The following MSH5 variants were observed in gnomAD, a reference collection of about 807,000 sequenced individuals.
The protein encoded by MSH5 is mutS protein homolog 5.
MSH5 carries 78 observed loss-of-function variants against 107.7 expected under a neutral mutation model. That is an observed-to-expected ratio of 0.72 (90% CI 0.60 to 0.87). MSH5 has a LOEUF of 0.87. Ranked by LOEUF, MSH5 falls within the 40% of genes least tolerant of loss-of-function variation. The pLI is 0.00. For missense variants in MSH5, 889 were observed against 1,046.6 expected (o/e 0.85, Z 2.08); for synonymous variants, 326 against 399.5 (o/e 0.82, Z 2.19).
rs1656075849 is a variant in MSH5 at position 31,758,069 on chromosome 6, C to G, written c.1015-96C>G. 2 of 1,483,980 alleles carry G rather than the reference C, an allele frequency of 1.3e-6. No homozygotes were observed. The highest frequency in any genetic ancestry group is 1.8e-5 in the Admixed American group (1 of 56,276). 91.9% of individuals were successfully genotyped at this position (1,483,980 alleles called of 1,614,324 possible). A position where few individuals can be genotyped will look rare whatever the true frequency, so the allele number is the denominator to read the frequency against. ...GATCTTCCCTCTTTGTTACTGTGAT[C>G]TTCCCTACTGGTCTTTGTTCTTCTG... On this transcript the variant is annotated intron_variant, in intron 12 of 24. Coordinates refer to ENST00000375750, the MANE Select transcript of MSH5 (RefSeq NM_172166.4). The surrounding 1 kb of genome is among the most constrained non-coding windows in gnomAD (Gnocchi z 5.1).
rs1331752063 is a variant in MSH5, at chr6:31,740,775, A to G, written c.147+162A>G. Among the ~76,000 whole-genome samples, 1 of 152,190 alleles carries G rather than the reference A, an allele frequency of 6.6e-6. No homozygotes were observed. The highest frequency in any genetic ancestry group is 1.5e-5 in the Non-Finnish European group (1 of 68,022). On this transcript the variant is annotated intron_variant, in intron 2 of 24. Coordinates refer to ENST00000375750, the MANE Select transcript of MSH5 (RefSeq NM_172166.4). This position sits in a 1 kb window ranked among gnomAD's most constrained non-coding sequence, Gnocchi z 4.4. ...CAGGAGTTGGAGACCAGCCTGGGCA[A>G]CATGGCGAAACCCCGTCTCTACTAA...
At chr6:31,742,224 T>G (rs1808979688) in intron 3 of MSH5, among the ~76,000 whole-genome samples, 1 of 152,220 alleles carries the variant, frequency 6.6e-6, no homozygotes, top group Non-Finnish European at 1.5e-5. Context: ...ATTTCATTAT[T>G]TAACAAATAT....
Position 31,759,720 on chromosome 6 carries a change from G to A in MSH5, c.1496-66G>A, listed in dbSNP as rs1810791444. On this transcript the variant is annotated intron_variant, in intron 17 of 24. Coordinates refer to ENST00000375750, the MANE Select transcript of MSH5 (RefSeq NM_172166.4). This position sits in a 1 kb window ranked among gnomAD's most constrained non-coding sequence, Gnocchi z 4.7. ...CAACCTGTTTCCAGATCCCCCTAGG[G>A]GCCTCTGCCTCTCCTTCACTTTCCC... 2.6e-6 allele frequency: 4 copies of A among 1,562,034 alleles called. No individual in the cohort carries two copies. The highest frequency in any genetic ancestry group is 3.5e-6 in the Non-Finnish European group (4 of 1,146,434).
chr6:31,743,077 G>T, intron 4 of MSH5, 31 bp from the exon 5 acceptor site: 1 of 1,612,762 alleles, frequency 6.2e-7, no homozygotes, highest in Non-Finnish European at 8.5e-7. Context: ...GAGATGTAAA[G>T]AATGATAGCC....
Position 31,759,255 on chromosome 6 carries a change from G to T in MSH5, c.1407+78G>T. 7.1e-7 allele frequency: 1 copy of T among 1,406,632 alleles called. No homozygotes were observed. The allele number at this position is 1,406,632 out of a possible 1,614,324, so 87.1% of individuals were successfully genotyped here. ...TGAGGAAGAGCGTTACTCTACAGCA[G>T]CACTGCCCAATATGGGATCTCTCCT... On this transcript the variant is annotated intron_variant, in intron 16 of 24. Coordinates refer to ENST00000375750, the MANE Select transcript of MSH5 (RefSeq NM_172166.4). The surrounding 1 kb of genome is among the most constrained non-coding windows in gnomAD (Gnocchi z 4.7).
chr6:31,758,586 A>T lies in MSH5; in HGVS notation c.1182A>T (p.Thr394=), dbSNP rs769709805. The T allele has an allele frequency of 6.2e-7, 1 of 1,613,898 alleles. No individual in the cohort carries two copies. Among genetic ancestry groups the T allele is most frequent in the Non-Finnish European group, 8.5e-7 (1 of 1,180,018 alleles). ...FEGSLAENRF[T]VLPNIDPEID... ...GCAGCCTTGCTGAAAATCGCTTCAC[A>T]GTCCTCCCCAACATAGATCCTGAAA... The change falls in exon 14 of 25, where the codon ACA becomes ACT. Residue 394 remains threonine (T), a synonymous_variant. Transcript: ENST00000375750. The surrounding 1 kb of genome is among the most constrained non-coding windows in gnomAD (Gnocchi z 5.1).
At chr6:31,755,295 G>A (rs1284113766) in intron 12 of MSH5, among the ~76,000 whole-genome samples, 1 of 151,956 alleles carries the variant, frequency 6.6e-6, no homozygotes, top group Non-Finnish European at 1.5e-5. Context: ...GGGACCACAG[G>A]TGATGGCCAT....
intron 8 of MSH5, 111 bp from the exon 9 acceptor site, chr6:31,745,126 A>T: frequency 5.2e-6 from 3 of 577,476 alleles, no homozygotes; most frequent in Non-Finnish European, 8.9e-6. Context: ...AAAAAAAAAA[A>T]GACGTGATCT....
intron 10 of MSH5, among the ~76,000 whole-genome samples, chr6:31,750,135 A>G (rs1018825573): frequency 4.6e-5 from 7 of 152,248 alleles, no homozygotes; most frequent in Non-Finnish European, 8.8e-5. Context: ...ATGGAATCAG[A>G]CAGGGCATGA....
Position 31,740,674 on chromosome 6 carries a change from T to C in MSH5, c.147+61T>C. On this transcript the variant is annotated intron_variant, in intron 2 of 24. Transcript: ENST00000375750. The surrounding 1 kb of genome is among the most constrained non-coding windows in gnomAD (Gnocchi z 4.4). ...GATGGGAAGTTAGAATAAAAGAGGG[T>C]TGGGAGCCGGGCGCGGTGGCTCACA... is the stretch of plus-strand genomic sequence containing the variant. 1 of 1,431,244 alleles carries C rather than the reference T, an allele frequency of 7.0e-7. No homozygotes were observed. Among genetic ancestry groups the C allele is most frequent in the Non-Finnish European group, 9.2e-7 (1 of 1,090,932 alleles). 88.7% of individuals were successfully genotyped at this position (1,431,244 alleles called of 1,614,324 possible).
chr6:31,741,599 G>A (rs1808915555), intron 3 of MSH5, among the ~76,000 whole-genome samples: 1 of 151,996 alleles, frequency 6.6e-6, no homozygotes, highest in South Asian at 2.1e-4. Flanking sequence ...GGCCAGGGTG[G>A]TCTCAAACTC....
intron 12 of MSH5, among the ~76,000 whole-genome samples, chr6:31,754,552 C>A (rs945816694): frequency 1.3e-5 from 2 of 151,912 alleles, no homozygotes; most frequent in Non-Finnish European, 1.5e-5. Flanking sequence ...TGCTTTGTCA[C>A]CCATACTAGA....
At position 31,760,656 on chromosome 6, in the gene MSH5, C is replaced by T; in HGVS notation, c.1813-34C>T. 1 of 1,612,348 alleles carries T rather than the reference C, an allele frequency of 6.2e-7. No individual in the cohort carries two copies. Among genetic ancestry groups the T allele is most frequent in the Non-Finnish European group, 8.5e-7 (1 of 1,179,976 alleles). ...CTCACTTTCACCTCAGCCCACGGCA[C>T]CAGGCCCCAGGCCCTGTCTCCTTCC... On this transcript the variant is annotated intron_variant, in intron 19 of 24. Transcript: ENST00000375750. The surrounding 1 kb of genome is among the most constrained non-coding windows in gnomAD (Gnocchi z 5.6).
At position 31,759,615 on chromosome 6, in the gene MSH5, C is replaced by T; in HGVS notation, c.1495+103C>T. Reference sequence around the variant, plus strand: ...AACTTGGGGATGCTTCCAACAGGCCCCTCCTCTTCCTGCTCTCTGTCTCGC... The same window carrying T: ...AACTTGGGGATGCTTCCAACAGGCCTCTCCTCTTCCTGCTCTCTGTCTCGC... On this transcript the variant is annotated intron_variant, in intron 17 of 24. Coordinates refer to ENST00000375750, the MANE Select transcript of MSH5 (RefSeq NM_172166.4). This position sits in a 1 kb window ranked among gnomAD's most constrained non-coding sequence, Gnocchi z 4.7. The T allele has an allele frequency of 3.7e-6, 5 of 1,357,764 alleles. No homozygotes were observed. Among genetic ancestry groups the T allele is most frequent in the Non-Finnish European group, 5.2e-6 (5 of 967,050 alleles). 84.1% of individuals were successfully genotyped at this position (1,357,764 alleles called of 1,614,324 possible).
At chr6:31,745,347 A>G (rs3749953) in intron 9 of MSH5, 28 bp downstream of exon 9, 201,028 of 1,523,596 alleles carry the variant, frequency 0.13, 15,566 homozygotes, top group Admixed American at 0.22. Context: ...CTCATCTCAC[A>G]TTACAAAGAC....
chr6:31,753,579 C>T lies in MSH5; in HGVS notation c.964C>T (p.Arg322Cys), dbSNP rs753519199. 12 of 1,614,104 alleles carry T rather than the reference C, an allele frequency of 7.4e-6. No individual in the cohort carries two copies. The highest frequency in any genetic ancestry group is 2.7e-5 in the African/African-American group (2 of 75,032). Residue 322 changes from arginine to cysteine, a missense_variant, in exon 12 of 25, where the codon CGC becomes TGC. By Grantham distance (180) the Arg-to-Cys change is radical (BLOSUM62 -3). Transcript: ENST00000375750. ...HIKNVPLILKRMKLSHTKVSD... is the reference protein window; with the variant it reads ...HIKNVPLILKCMKLSHTKVSD... ...TGTCTGACTGTAGCTGATTCTGAAA[C>T]GCATGAAGTTGTCCCACACCAAGGT... is the stretch of plus-strand genomic sequence containing the variant.
At chr6:31,744,162 C>G (rs1809183205) in intron 6 of MSH5, 28 bp from the exon 7 acceptor site, 1 of 1,599,566 alleles carries the variant, frequency 6.3e-7, no homozygotes, top group Non-Finnish European at 8.5e-7. Flanking sequence ...TAAGATTTAC[C>G]CCGATTCCAC....
Position 31,760,944 on chromosome 6 carries a change from A to G in MSH5, c.1962+105A>G. ...GCATGCCCTCTGCTGCATGCCCTTT[A>G]TACTAAAAGTGGGGAGCACTAAGGT... On this transcript the variant is annotated intron_variant, in intron 20 of 24. Transcript: ENST00000375750. This position sits in a 1 kb window ranked among gnomAD's most constrained non-coding sequence, Gnocchi z 5.6. The G allele has an allele frequency of 2.3e-6, 3 of 1,330,654 alleles. No homozygotes were observed. Among genetic ancestry groups the G allele is most frequent in the Non-Finnish European group, 3.1e-6 (3 of 974,284 alleles). The allele number at this position is 1,330,654 out of a possible 1,614,324, so 82.4% of individuals were successfully genotyped here.
chr6:31,747,918 C>T (rs575943460), intron 10 of MSH5, among the ~76,000 whole-genome samples: 18 of 151,814 alleles, frequency 1.2e-4, no homozygotes, highest in Non-Finnish European at 2.4e-4. Context: ...GCAGGAGAAT[C>T]GCTTGAACCC....
Sources: gnomAD v4.1 joint callset for allele counts (sites outside exome capture counted in the v4.1 genomes callset) on GRCh38, gnomAD v4.1.1 for gene constraint, Gnocchi (gnomAD v3.1) non-coding constraint, MANE v1.5 for transcripts, NCBI Gene and HGNC (gene_info 2026-07-23, HGNC 2026-07-21) for gene names.